LEF1: variants seen among roughly 807,000 people sequenced by gnomAD.
LEF1 encodes the protein lymphoid enhancer binding factor 1.
In LEF1, 14 loss-of-function variants were observed where a neutral mutation model predicts 51.2. The observed-to-expected ratio is 0.27, with a 90% confidence interval of 0.18 to 0.43. LEF1 has a LOEUF of 0.43. LEF1 is among the 20% of genes least tolerant of loss of function. LEF1 has a pLI of 1.00. For synonymous variants in LEF1, 185 were observed against 183.2 expected (o/e 1.01, Z -0.08); for missense variants, 386 against 512.0 (o/e 0.75, Z 2.37).
intron 3 of LEF1, among the ~76,000 whole-genome samples, chr4:108,091,909 A>T (rs952958879): frequency 3.9e-5 from 6 of 152,332 alleles, no homozygotes; most frequent in South Asian, 2.1e-4. Flanking sequence ...GTTTCATTTT[A>T]AAAGTCTCAT....
intron 1 of LEF1, chr4:108,166,194 C>A: frequency 6.9e-7 from 1 of 1,455,106 alleles, no homozygotes; most frequent in South Asian, 1.3e-5. Flanking sequence ...CCAGCCCGCT[C>A]AAACTGGATT....
intron 3 of LEF1, among the ~76,000 whole-genome samples, chr4:108,090,470 T>C (rs986597965): frequency 2.0e-5 from 3 of 152,172 alleles, no homozygotes; most frequent in African/African-American, 4.8e-5. Flanking sequence ...GTTAAGGTTG[T>C]TCCCCCCAAC....
At chr4:108,083,199 C>G (rs745600463) in intron 5 of LEF1, 157 bp downstream of exon 5, 3 of 636,830 alleles carry the variant, frequency 4.7e-6, no homozygotes, top group South Asian at 3.7e-5. Context: ...GTTTTTTAAT[C>G]TTTTAAATTG....
At chr4:108,132,129 G>T (rs778889097) in intron 3 of LEF1, among the ~76,000 whole-genome samples, 1 of 152,116 alleles carries the variant, frequency 6.6e-6, no homozygotes, top group Admixed American at 6.6e-5. Flanking sequence ...GGTCCAAAAA[G>T]AATTTATTTC....
At chr4:108,054,587 C>A (rs1239847340) in intron 11 of LEF1, among the ~76,000 whole-genome samples, 1 of 152,206 alleles carries the variant, frequency 6.6e-6, no homozygotes, top group Non-Finnish European at 1.5e-5. Flanking sequence ...AGGTTGGGAC[C>A]ATTTCTGCTG....
intron 3 of LEF1, among the ~76,000 whole-genome samples, chr4:108,152,879 T>C (rs758884912): frequency 2.6e-5 from 4 of 152,160 alleles, no homozygotes; most frequent in Non-Finnish European, 5.9e-5. Flanking sequence ...TGAACACACA[T>C]CTAGTCAGTA....
rs1745210720 is a variant in LEF1, at chr4:108,163,678, A to G, written c.304T>C (p.Tyr102His). The G allele has an allele frequency of 6.2e-7, 1 of 1,613,698 alleles. No individual in the cohort carries two copies. The highest frequency in any genetic ancestry group is 8.5e-7 in the Non-Finnish European group (1 of 1,179,782). Residue 102 changes from tyrosine (Y) to histidine (H), a missense_variant, in exon 3 of 12, where the codon TAC (tyrosine) becomes CAC (histidine). Physicochemically the swap from Tyr to His is moderately conservative, Grantham distance 83. Transcript: ENST00000265165. ...CTCGAGTAGGAGGGTCCCTTGTTGTAGAGGCCTCCATCTGGATGCTTTCCT... is the reference window on the plus strand; with the variant it reads ...CTCGAGTAGGAGGGTCCCTTGTTGTGGAGGCCTCCATCTGGATGCTTTCCT... ...DDGKHPDGGL[Y>H]NKGPSYSSYS... is the part of the protein sequence containing the mutation.
At chr4:108,071,122 A>T (rs1738451527) in intron 8 of LEF1, among the ~76,000 whole-genome samples, 1 of 152,216 alleles carries the variant, frequency 6.6e-6, no homozygotes, top group Non-Finnish European at 1.5e-5. Flanking sequence ...ACTGTTTTTC[A>T]CAGTTACTAG....
rs1390153063 is a variant in LEF1, at chr4:108,099,596, A to G, written c.415-10339T>C. Among the ~76,000 whole-genome samples the G allele has an allele frequency of 2.8e-3, 357 of 129,018 alleles. 14 individuals carry two copies. The highest frequency in any genetic ancestry group is 5.9e-3 in the South Asian group (23 of 3,868). 84.6% of individuals were successfully genotyped at this position (129,018 alleles called of 152,430 possible). ...TATATATATATATATATATATATATATATATATATATATATATATATAAAT... is the reference window on the plus strand; with the variant it reads ...TATATATATATATATATATATATATGTATATATATATATATATATATAAAT... On this transcript the variant is annotated intron_variant, in intron 3 of 11. Coordinates refer to ENST00000265165, the MANE Select transcript of LEF1 (RefSeq NM_016269.5).
chr4:108,161,064 C>G (rs1259877496), intron 3 of LEF1, among the ~76,000 whole-genome samples: 2 of 152,222 alleles, frequency 1.3e-5, no homozygotes. Context: ...AGATGAAAAT[C>G]TATCACTGTG....
chr4:108,148,794 TAAC>T (rs1230763308), intron 3 of LEF1, among the ~76,000 whole-genome samples: 1 of 152,242 alleles, frequency 6.6e-6, no homozygotes, highest in African/African-American at 2.4e-5. Context: ...GAAACTCCTA[TAAC>T]AACATATAAT....
At chr4:108,104,585 G>T in intron 3 of LEF1, 1 of 530,960 alleles carries the variant, frequency 1.9e-6, no homozygotes, top group Non-Finnish European at 2.4e-6. Context: ...AAATTGGGAT[G>T]CTATATAACC....
chr4:108,081,234 T>G (rs1233918106), intron 6 of LEF1, among the ~76,000 whole-genome samples: 1 of 152,112 alleles, frequency 6.6e-6, no homozygotes, highest in African/African-American at 2.4e-5. Flanking sequence ...TCCTCCTCCC[T>G]TACCCCACCC....
chr4:108,099,820 A>T (rs1740692754), intron 3 of LEF1, among the ~76,000 whole-genome samples: 2 of 147,542 alleles, frequency 1.4e-5, no homozygotes, highest in Non-Finnish European at 3.0e-5. Flanking sequence ...TTTATGGTGT[A>T]AAAAAAATTA....
At chr4:108,150,583 C>A (rs992433502) in intron 3 of LEF1, among the ~76,000 whole-genome samples, 3 of 152,140 alleles carry the variant, frequency 2.0e-5, no homozygotes, top group Admixed American at 1.3e-4. Context: ...TACCTTTAAT[C>A]CTCAAAGTAG....
At chr4:108,099,590 A>G (rs1226805637) in intron 3 of LEF1, among the ~76,000 whole-genome samples, 5,614 of 108,418 alleles carry the variant, frequency 0.052, 560 homozygotes, top group African/African-American at 0.11. Flanking sequence ...ATATATATAT[A>G]TATATATATA....
At chr4:108,132,154 TA>T (rs1159685162) in intron 3 of LEF1, among the ~76,000 whole-genome samples, 3 of 152,308 alleles carry the variant, frequency 2.0e-5, no homozygotes, top group Admixed American at 6.5e-5. Context: ...TCACATTATG[TA>T]AAAAACATAA....
intron 4 of LEF1, among the ~76,000 whole-genome samples, chr4:108,088,615 G>T (rs7677491): frequency 0.46 from 69,795 of 152,100 alleles, 17,945 homozygotes; most frequent in Middle Eastern, 0.68. Context: ...TAAGATTCAC[G>T]ATTCTTGGAC....
intron 11 of LEF1, 80 bp downstream of exon 11, chr4:108,063,543 T>C (rs1737842437): frequency 1.8e-6 from 2 of 1,098,598 alleles, no homozygotes; most frequent in African/African-American, 3.2e-5. Flanking sequence ...ATGAACTCAT[T>C]ATGAGCAAGA....
Sources: allele counts gnomAD v4.1 joint callset (sites outside exome capture counted in the v4.1 genomes callset), GRCh38; gene constraint gnomAD v4.1.1; transcripts MANE v1.5; gene names NCBI Gene and HGNC (gene_info 2026-07-23, HGNC 2026-07-21).